CTNNA3: variants seen among roughly 807,000 people sequenced by gnomAD.
CTNNA3 encodes the protein catenin alpha 3, also known as catenin alpha-3.
In CTNNA3, 76 loss-of-function variants were observed where a neutral mutation model predicts 95.7. The observed-to-expected ratio is 0.79, with a 90% CI of 0.66 to 0.96. The LOEUF is 0.96. CTNNA3 is among the 40% of genes least tolerant of loss of function. The probability of loss-of-function intolerance (pLI) is 0.00; values close to 1 mark genes in which losing one functional copy is unlikely to be tolerated. For synonymous variants in CTNNA3, 431 were observed against 374.4 expected (o/e 1.15, Z -1.74); for missense variants, 1,191 against 1,089.8 (o/e 1.09, Z -1.31).
rs77027932 is a variant in CTNNA3, at chr10:66,931,635, A to T, written c.1048-156111T>A. On this transcript the variant is annotated intron_variant, in intron 7 of 17. Coordinates refer to ENST00000433211, the MANE Select transcript of CTNNA3 (RefSeq NM_013266.4). The stretch of plus-strand genomic sequence containing the variant: ...TCCTTATGTAAACGTGGTTTACAAC[A>T]TGTTTTTTGACTAGTAAATCAGATT... 6.5e-3 allele frequency among the ~76,000 whole-genome samples: 990 copies of T among 152,250 alleles called. 7 individuals are homozygous for T. Among genetic ancestry groups the T allele is most frequent in the African/African-American group, 0.022 (928 of 41,546 alleles).
At chr10:66,485,327 T>C (rs1427865549) in intron 11 of CTNNA3, among the ~76,000 whole-genome samples, 1 of 152,132 alleles carries the variant, frequency 6.6e-6, no homozygotes, top group Non-Finnish European at 1.5e-5. Flanking sequence ...CGATTTTATA[T>C]ATGGTAAGAC....
chr10:67,324,168 C>G (rs1841446063), intron 5 of CTNNA3, among the ~76,000 whole-genome samples: 1 of 151,826 alleles, frequency 6.6e-6, no homozygotes, highest in Non-Finnish European at 1.5e-5. Context: ...ATGTCATCTG[C>G]AAAAAAGGGA....
At chr10:66,438,334 T>A (rs2093352283) in intron 11 of CTNNA3, among the ~76,000 whole-genome samples, 1 of 151,840 alleles carries the variant, frequency 6.6e-6, no homozygotes, top group Admixed American at 6.6e-5. Flanking sequence ...TCCCAGGGAG[T>A]TGAGAGTTTT....
chr10:67,136,614 T>G (rs1276665304), intron 7 of CTNNA3, among the ~76,000 whole-genome samples: 1 of 152,038 alleles, frequency 6.6e-6, no homozygotes, highest in African/African-American at 2.4e-5. Context: ...CCCACCAGCT[T>G]CTGGCCATAT....
chr10:66,116,365 C>A (rs2082341056), intron 13 of CTNNA3, among the ~76,000 whole-genome samples: 1 of 152,008 alleles, frequency 6.6e-6, no homozygotes, highest in Admixed American at 6.6e-5. Flanking sequence ...AGAATCTAGT[C>A]ATTCTACTTG....
intron 12 of CTNNA3, among the ~76,000 whole-genome samples, chr10:66,348,054 C>CA (rs1351164145): frequency 2.0e-5 from 3 of 151,932 alleles, no homozygotes; most frequent in Non-Finnish European, 4.4e-5. Context: ...ATAACAAAGA[C>CA]AAAAAACAAC....
At chr10:66,057,593 T>C (rs973804001) in intron 15 of CTNNA3, among the ~76,000 whole-genome samples, 1 of 152,162 alleles carries the variant, frequency 6.6e-6, no homozygotes, top group Non-Finnish European at 1.5e-5. Flanking sequence ...CATTACTAAA[T>C]AGTTTCTAGT....
intron 11 of CTNNA3, among the ~76,000 whole-genome samples, chr10:66,468,907 C>T (rs1839027223): frequency 6.6e-6 from 1 of 151,468 alleles, no homozygotes; most frequent in South Asian, 2.1e-4. Flanking sequence ...TTTAATCTTC[C>T]CATATTTTTT....
At chr10:67,488,672 C>CTT (rs565227051) in intron 5 of CTNNA3, among the ~76,000 whole-genome samples, 6 of 130,762 alleles carry the variant, frequency 4.6e-5, no homozygotes, top group Admixed American at 7.6e-5. Flanking sequence ...TGCCCGGCCT[C>CTT]TTTTTTTTTT....
intron 12 of CTNNA3, among the ~76,000 whole-genome samples, chr10:66,353,512 T>C (rs1354733818): frequency 6.6e-6 from 1 of 152,130 alleles, no homozygotes; most frequent in Non-Finnish European, 1.5e-5. Flanking sequence ...AATCAAGTCA[T>C]AGCTTTTGCC....
chr10:66,528,738 T>C (rs1199722256), intron 10 of CTNNA3, among the ~76,000 whole-genome samples: 1 of 152,156 alleles, frequency 6.6e-6, no homozygotes, highest in African/African-American at 2.4e-5. Flanking sequence ...ATAGAGACTT[T>C]GCCTGTCCTA....
At chr10:67,039,819 T>C (rs551962931) in intron 7 of CTNNA3, among the ~76,000 whole-genome samples, 1 of 152,276 alleles carries the variant, frequency 6.6e-6, no homozygotes, top group African/African-American at 2.4e-5. Context: ...TAAAAGATAA[T>C]TATTGATTGC....
intron 11 of CTNNA3, among the ~76,000 whole-genome samples, chr10:66,385,267 C>T (rs568937903): frequency 1.5e-3 from 223 of 152,052 alleles, no homozygotes; most frequent in South Asian, 5.8e-3. Context: ...ATATCACCAC[C>T]GATCCCACAG....
intron 13 of CTNNA3, among the ~76,000 whole-genome samples, chr10:66,258,983 T>A (rs2090895694): frequency 6.6e-6 from 1 of 152,172 alleles, no homozygotes. Context: ...TAACCACTAC[T>A]GGGCCAAAAC....
intron 12 of CTNNA3, among the ~76,000 whole-genome samples, chr10:66,327,966 C>T (rs1305203389): frequency 6.6e-6 from 1 of 151,964 alleles, no homozygotes; most frequent in Non-Finnish European, 1.5e-5. Flanking sequence ...TGATTTGAAA[C>T]ATGGAAAAGA....
intron 7 of CTNNA3, among the ~76,000 whole-genome samples, chr10:66,939,967 A>G (rs1338078098): frequency 6.6e-6 from 1 of 151,764 alleles, no homozygotes; most frequent in Non-Finnish European, 1.5e-5. Context: ...CCCTATACGC[A>G]TCTTGCTTAA....
intron 7 of CTNNA3, among the ~76,000 whole-genome samples, chr10:66,839,841 T>C (rs1287463638): frequency 6.6e-6 from 1 of 152,096 alleles, no homozygotes; most frequent in Non-Finnish European, 1.5e-5. Context: ...GTCTTAATAA[T>C]TTATACACTT....
At chr10:67,376,623 C>T (rs1171712602) in intron 5 of CTNNA3, among the ~76,000 whole-genome samples, 37 of 152,180 alleles carry the variant, frequency 2.4e-4, no homozygotes, top group Admixed American at 2.4e-3. Flanking sequence ...CCACTGTTCA[C>T]ACATTCAGCT....
At position 66,788,271 on chromosome 10, in the gene CTNNA3, G is replaced by C. The variant is rs149382073; in HGVS notation, c.1048-12747C>G. Among the ~76,000 whole-genome samples, 83 of 152,206 alleles carry C rather than the reference G, an allele frequency of 5.5e-4. 2 individuals carry two copies. In the East Asian group the frequency reaches 0.014, roughly 26 times the overall value. On this transcript the variant is annotated intron_variant, in intron 7 of 17. Transcript: ENST00000433211. ...AACTGACATACCCATCAGAAAAGAT[G>C]GGCATTTGGAGAGCCATAAACTAAG...
Sources: gnomAD v4.1 joint callset for allele counts (sites outside exome capture counted in the v4.1 genomes callset) on GRCh38, gnomAD v4.1.1 for gene constraint, MANE v1.5 for transcripts, NCBI Gene and HGNC (gene_info 2026-07-23, HGNC 2026-07-21) for gene names.